Variants in ZNF81 observed in about 807,000 individuals in gnomAD.
ZNF81 encodes zinc finger protein 81 (HFZ20).
ZNF81 carries 5 observed loss-of-function variants against 32.3 expected under a neutral mutation model. The observed-to-expected ratio is 0.15, with a 90% CI of 0.08 to 0.33. The LOEUF (loss-of-function observed/expected upper bound fraction) is 0.33, where lower values mean the gene tolerates loss of function less well. ZNF81 is among the 10% of genes least tolerant of loss of function. ZNF81 has a pLI of 1.00. For synonymous variants in ZNF81, 163 were observed against 166.8 expected (o/e 0.98, Z 0.17); for missense variants, 379 against 479.8 (o/e 0.79, Z 1.96).
Position 47,843,971 on chromosome X carries a change from G to A in ZNF81, c.-163-2134G>A, listed in dbSNP as rs557128924. ...TCTAATGTTTTAGGTTGAATATATA[G>A]CTCATTTTTGGGTTGTATTTATTTT... On this transcript the variant is annotated intron_variant, in intron 1 of 4. Coordinates refer to ENST00000338637, the MANE Select transcript of ZNF81 (RefSeq NM_007137.5). Among the ~76,000 whole-genome samples, 16 of 111,227 alleles carry A rather than the reference G, an allele frequency of 1.4e-4. No individual in the cohort carries two copies. The South Asian group carries it at 2.6e-3, about 18-fold the overall frequency.
At chrX:47,855,166 A>G (rs1299904268) in intron 2 of ZNF81, among the ~76,000 whole-genome samples, 1 of 105,119 alleles carries the variant, frequency 9.5e-6, no homozygotes, top group Non-Finnish European at 2.0e-5. Context: ...AAATAAATAA[A>G]TTAATTAATT....
At chrX:47,856,648 G>C (rs1459119110) in intron 2 of ZNF81, among the ~76,000 whole-genome samples, 1 of 111,877 alleles carries the variant, frequency 8.9e-6, no homozygotes, top group East Asian at 2.8e-4. Context: ...AGTTACATTT[G>C]AAATTAAAAG....
intron 3 of ZNF81, among the ~76,000 whole-genome samples, chrX:47,891,571 G>T (rs1157522781): frequency 1.8e-5 from 2 of 112,280 alleles, no homozygotes; most frequent in African/African-American, 6.5e-5. Context: ...GAACTAATAT[G>T]GGGATTCTGC....
In ZNF81 at chrX:47,915,265, AT is replaced by A; in HGVS notation, c.621del (p.His208IlefsTer36). The part of the protein sequence containing the change: ...KSFKHNLDLH[I>X]HNKSNAAKNL... ...TTTTAAGCATAATTTAGACTTACATATTCATAATAAAAGCAATGCAGCAAAG... is the reference window on the plus strand; with the variant it reads ...TTTTAAGCATAATTTAGACTTACATATCATAATAAAAGCAATGCAGCAAAG... On this transcript the variant is annotated frameshift_variant, in exon 5 of 5. Coordinates refer to ENST00000338637, the MANE Select transcript of ZNF81 (RefSeq NM_007137.5). LOFTEE classifies it high-confidence loss of function. 1 of 1,211,447 alleles carries A rather than the reference AT, an allele frequency of 8.3e-7. No individual in the cohort carries two copies. The highest frequency in any genetic ancestry group is 1.1e-6 in the Non-Finnish European group (1 of 895,320).
intron 1 of ZNF81, among the ~76,000 whole-genome samples, chrX:47,839,036 C>T (rs1288810623): frequency 4.5e-5 from 5 of 112,041 alleles, no homozygotes; most frequent in African/African-American, 1.3e-4. Flanking sequence ...CCTCCTGCCT[C>T]AGCCTCTCAA....
intron 2 of ZNF81, among the ~76,000 whole-genome samples, chrX:47,885,534 C>T (rs1251313980): frequency 2.7e-5 from 3 of 111,551 alleles, no homozygotes; most frequent in Admixed American, 9.5e-5. Flanking sequence ...ATTTATTTCT[C>T]ACAATTCTGG....
intron 2 of ZNF81, among the ~76,000 whole-genome samples, chrX:47,852,807 T>C (rs1556881400): frequency 1.8e-5 from 2 of 113,128 alleles, no homozygotes; most frequent in Non-Finnish European, 1.9e-5. Flanking sequence ...ATGAGTGTTC[T>C]TAATGGCTTC....
intron 2 of ZNF81, among the ~76,000 whole-genome samples, chrX:47,861,992 C>T (rs2058542180): frequency 9.0e-6 from 1 of 111,553 alleles, no homozygotes; most frequent in South Asian, 3.7e-4. Flanking sequence ...TGGATGATTC[C>T]TATCATGGGA....
intron 2 of ZNF81, among the ~76,000 whole-genome samples, chrX:47,886,909 C>G (rs1556885825): frequency 2.7e-5 from 3 of 111,502 alleles, no homozygotes. Context: ...ATTTTTTGTT[C>G]AGAGTTTATA....
At position 47,915,613 on chromosome X, in the gene ZNF81, G is replaced by C. The variant is rs1287613472; in HGVS notation, c.967G>C (p.Val323Leu). The C allele has an allele frequency of 1.1e-5, 13 of 1,208,647 alleles. No homozygotes were observed. The highest frequency in any genetic ancestry group is 1.5e-5 in the Non-Finnish European group (13 of 894,140). The change falls in exon 5 of 5, where the codon GTT (valine) becomes CTT (leucine). Residue 323 changes from valine to leucine, a missense_variant. Val to Leu is a conservative substitution (Grantham distance 32). Around this residue, in one of 2 missense-constraint regions of ZNF81, gnomAD observed 277 missense variants for 306.6 expected, o/e 0.90. Transcript: ENST00000338637. ...GCCACTACTCAGTATATATCTGAGA[G>C]TTCATAGAGATGAAAAACTCTACAT... ...QKPLLSIYLRVHRDEKLYICT... is the reference protein window; with the variant it reads ...QKPLLSIYLRLHRDEKLYICT...
intron 3 of ZNF81, among the ~76,000 whole-genome samples, chrX:47,894,751 C>T (rs1296348540): frequency 9.0e-6 from 1 of 111,162 alleles, no homozygotes; most frequent in Non-Finnish European, 1.9e-5. Flanking sequence ...TTGAATTTTC[C>T]CTGCTAGGTT....
Position 47,915,571 on chromosome X carries a change from A to G in ZNF81, c.925A>G (p.Asn309Asp). 8.3e-7 allele frequency: 1 copy of G among 1,211,592 alleles called. No individual in the cohort carries two copies. The highest frequency in any genetic ancestry group is 1.8e-5 in the South Asian group (1 of 56,978). Residue 309 changes from asparagine to aspartate, a missense_variant, in exon 5 of 5, where the codon AAT (asparagine) becomes GAT (aspartate). Transcript: ENST00000338637. ...EKPHELSKCV[N>D]VFTQKPLLSI... ...ACCTCATGAGCTTAGCAAATGTGTA[A>G]ATGTTTTTACACAGAAGCCACTACT...
intron 4 of ZNF81, among the ~76,000 whole-genome samples, chrX:47,901,586 C>G (rs1183733996): frequency 1.8e-5 from 2 of 111,641 alleles, no homozygotes; most frequent in African/African-American, 6.5e-5. Flanking sequence ...TTTTATCCTA[C>G]TAATATGGTG....
intron 2 of ZNF81, among the ~76,000 whole-genome samples, chrX:47,853,916 T>C (rs984405463): frequency 1.8e-5 from 2 of 112,170 alleles, no homozygotes; most frequent in African/African-American, 6.5e-5. Flanking sequence ...CTTTGAAGGT[T>C]TGAAGCCAGG....
intron 1 of ZNF81, among the ~76,000 whole-genome samples, chrX:47,837,914 C>G (rs1274994297): frequency 8.9e-6 from 1 of 112,009 alleles, no homozygotes; most frequent in African/African-American, 3.2e-5. Flanking sequence ...ACCTGTATAC[C>G]AACTCGGGAA....
chrX:47,887,131 C>T (rs148322415), intron 2 of ZNF81, among the ~76,000 whole-genome samples: 5 of 111,336 alleles, frequency 4.5e-5, no homozygotes, highest in South Asian at 7.5e-4. Context: ...AACAATTGTC[C>T]GTACATGTGT....
chrX:47,844,076 G>C (rs149348435), intron 1 of ZNF81, among the ~76,000 whole-genome samples: 41 of 111,984 alleles, frequency 3.7e-4, no homozygotes, highest in African/African-American at 1.3e-3. Flanking sequence ...GGTAAAATTT[G>C]TATAGCTTCT....
intron 1 of ZNF81, among the ~76,000 whole-genome samples, chrX:47,838,922 G>T (rs946694222): frequency 9.0e-6 from 1 of 111,340 alleles, no homozygotes. Context: ...GAGTAGCTGG[G>T]ACTCCAGGCA....
rs1472572964 is a variant in ZNF81, at chrX:47,923,840, T to C, written c.*7208T>C. Among the ~76,000 whole-genome samples the C allele has an allele frequency of 8.9e-6, 1 of 111,812 alleles. No individual in the cohort carries two copies. The highest frequency in any genetic ancestry group is 2.8e-4 in the East Asian group (1 of 3,573). ...TGAAAGTCTTTGAAATTAGAGACAGTGAAGGACAGATGCAGAGGTACCCAG... is the reference window on the plus strand; with the variant it reads ...TGAAAGTCTTTGAAATTAGAGACAGCGAAGGACAGATGCAGAGGTACCCAG... On this transcript the variant is annotated 3_prime_UTR_variant, in exon 5 of 5. Coordinates refer to ENST00000338637, the MANE Select transcript of ZNF81 (RefSeq NM_007137.5).
Sources: allele counts gnomAD v4.1 joint callset (sites outside exome capture counted in the v4.1 genomes callset), GRCh38; gene constraint gnomAD v4.1.1; regional missense constraint gnomAD v4.1.1; transcripts MANE v1.5; gene names NCBI Gene and HGNC (gene_info 2026-07-23, HGNC 2026-07-21).